The following RCOR1 variants were observed in gnomAD, a reference collection of about 807,000 sequenced individuals.
RCOR1 encodes the protein REST corepressor 1.
Under a neutral mutation model 64.0 loss-of-function variants are expected in RCOR1, and 12 were observed. The ratio of observed to expected loss-of-function variants is 0.19; its 90% CI spans 0.12 to 0.30. The LOEUF (loss-of-function observed/expected upper bound fraction) is 0.30. Among genes scored for constraint, RCOR1 ranks in the 10% least tolerant of loss-of-function variants. The pLI is 1.00. For synonymous variants in RCOR1, 279 were observed against 227.2 expected (o/e 1.23, Z -2.05); for missense variants, 502 against 621.2 (o/e 0.81, Z 2.04).
At chr14:102,705,390 G>C (rs1895830675) in intron 4 of RCOR1, among the ~76,000 whole-genome samples, 1 of 152,144 alleles carries the variant, frequency 6.6e-6, no homozygotes, top group Admixed American at 6.5e-5. Flanking sequence ...TTTCTTTCTA[G>C]ATCAGTGTAA....
chr14:102,612,976 A>T (rs1893663352), intron 2 of RCOR1, among the ~76,000 whole-genome samples: 1 of 151,816 alleles, frequency 6.6e-6, no homozygotes, highest in Non-Finnish European at 1.5e-5. Context: ...AAAAAAAAGA[A>T]AAAACAAATC....
Position 102,691,399 on chromosome 14 carries a change from C to T in RCOR1, c.445+9421C>T, listed in dbSNP as rs150274807. ...ATTTGTACCCCAGACCTCAGCATCA[C>T]GCAGTGTGTCTTTGTAACAAACCTG... On this transcript the variant is annotated intron_variant, in intron 3 of 11. Transcript: ENST00000262241. Among the ~76,000 whole-genome samples, 398 of 152,208 alleles carry T rather than the reference C, an allele frequency of 2.6e-3. 2 individuals carry two copies. Among genetic ancestry groups the T allele is most frequent in the African/African-American group, 9.2e-3 (383 of 41,528 alleles).
At chr14:102,713,880 G>T (rs1464209172) in intron 7 of RCOR1, among the ~76,000 whole-genome samples, 2 of 152,170 alleles carry the variant, frequency 1.3e-5, no homozygotes, top group Non-Finnish European at 2.9e-5. Flanking sequence ...ATGGTTACCA[G>T]TAAGTTATAT....
At chr14:102,682,757 A>T (rs1038163233) in intron 3 of RCOR1, among the ~76,000 whole-genome samples, 2 of 152,244 alleles carry the variant, frequency 1.3e-5, no homozygotes, top group Non-Finnish European at 1.5e-5. Flanking sequence ...ATGCCAGCAC[A>T]GTACTAAAAT....
chr14:102,592,824 T>C lies in RCOR1; in HGVS notation c.-63T>C, dbSNP rs1893154525. The C allele has an allele frequency of 8.6e-7, 1 of 1,165,630 alleles. No individual in the cohort carries two copies. Among genetic ancestry groups the C allele is most frequent in the Admixed American group, 4.7e-5 (1 of 21,208 alleles). The allele number at this position is 1,165,630 out of a possible 1,614,324, so 72.2% of individuals were successfully genotyped here. A position where few individuals can be genotyped will look rare whatever the true frequency, so the allele number is the denominator to read the frequency against. On this transcript the variant is annotated 5_prime_UTR_variant, in exon 1 of 12. Coordinates refer to ENST00000262241, the MANE Select transcript of RCOR1 (RefSeq NM_015156.4). ...CCGGCCCCGCGCCCCCTCCCCCGTC[T>C]CGGCGCCCCCTCCTCAGGAGCCGCG...
At chr14:102,608,742 T>C (rs561301348) in intron 2 of RCOR1, among the ~76,000 whole-genome samples, 10 of 151,366 alleles carry the variant, frequency 6.6e-5, no homozygotes, top group Non-Finnish European at 1.3e-4. Flanking sequence ...AATTTTTTTT[T>C]TGTGGAGAGA....
intron 3 of RCOR1, among the ~76,000 whole-genome samples, chr14:102,682,458 C>A (rs1404587768): frequency 6.6e-6 from 1 of 152,190 alleles, no homozygotes; most frequent in Non-Finnish European, 1.5e-5. Context: ...CATGTTCTTT[C>A]TTACAGAGCA....
Position 102,729,552 on chromosome 14 carries a change from C to T in RCOR1, c.*3046C>T, listed in dbSNP as rs1896330123. 1 of 271,162 alleles carries T rather than the reference C, an allele frequency of 3.7e-6. No individual in the cohort carries two copies. Among genetic ancestry groups the T allele is most frequent in the African/African-American group, 2.2e-5 (1 of 45,716 alleles). 16.8% of individuals were successfully genotyped at this position (271,162 alleles called of 1,614,324 possible). A position where few individuals can be genotyped will look rare whatever the true frequency, so the allele number is the denominator to read the frequency against. ...TATAAGACGTTCTGATGCTCACAAA[C>T]CTCTATTCAACACACAAAACAAACA... On this transcript the variant is annotated 3_prime_UTR_variant, in exon 12 of 12. Transcript: ENST00000262241.
At chr14:102,643,430 A>C (rs1177844219) in intron 2 of RCOR1, 1 of 478,050 alleles carries the variant, frequency 2.1e-6, no homozygotes, top group Non-Finnish European at 2.7e-6. Context: ...GATGTCACTA[A>C]TGTTTTAGAA....
chr14:102,597,431 C>T (rs1391336053), intron 2 of RCOR1, among the ~76,000 whole-genome samples: 5 of 150,882 alleles, frequency 3.3e-5, no homozygotes, highest in South Asian at 4.2e-4. Flanking sequence ...TGGGTTCAAG[C>T]GATCCTCCTG....
At chr14:102,651,077 T>C (rs777012573) in intron 2 of RCOR1, 163 of 984,702 alleles carry the variant, frequency 1.7e-4, no homozygotes, top group Non-Finnish European at 1.9e-4. Flanking sequence ...GCACAGTACA[T>C]TGTTGACTAG....
At chr14:102,612,497 T>C (rs772915462) in intron 2 of RCOR1, among the ~76,000 whole-genome samples, 19 of 149,742 alleles carry the variant, frequency 1.3e-4, no homozygotes, top group Admixed American at 4.0e-4. Flanking sequence ...CCACGCCCGG[T>C]CTGATTTTTG....
rs1197274996 is a variant in RCOR1 at position 102,730,369 on chromosome 14, C to T, written c.*3863C>T. On this transcript the variant is annotated 3_prime_UTR_variant, in exon 12 of 12. Coordinates refer to ENST00000262241, the MANE Select transcript of RCOR1 (RefSeq NM_015156.4). ...TGTTGTAAGTAATATTTTAATGTCT[C>T]TTTGCCTGTTTTCTATTTCAGCACA... 1 of 189,500 alleles carries T rather than the reference C, an allele frequency of 5.3e-6. No homozygotes were observed. Among genetic ancestry groups the T allele is most frequent in the Non-Finnish European group, 1.1e-5 (1 of 92,880 alleles). The allele number at this position is 189,500 out of a possible 1,614,324, so 11.7% of individuals were successfully genotyped here.
At chr14:102,693,759 CTTTG>C (rs1414166108) in intron 3 of RCOR1, among the ~76,000 whole-genome samples, 2 of 152,178 alleles carry the variant, frequency 1.3e-5, no homozygotes, top group Non-Finnish European at 2.9e-5. Context: ...GGGTCCCCTT[CTTTG>C]TTTGGAGCAA....
At chr14:102,594,771 C>T (rs968269915) in intron 2 of RCOR1, among the ~76,000 whole-genome samples, 6 of 151,976 alleles carry the variant, frequency 3.9e-5, no homozygotes, top group Non-Finnish European at 8.8e-5. Context: ...GGTTGGCCAC[C>T]AGGGGAAGCA....
chr14:102,595,860 T>C (rs1242804482), intron 2 of RCOR1, among the ~76,000 whole-genome samples: 1 of 152,178 alleles, frequency 6.6e-6, no homozygotes, highest in Non-Finnish European at 1.5e-5. Flanking sequence ...ATTACAGGCA[T>C]GTGCCACCGC....
chr14:102,593,078 C>G lies in RCOR1; in HGVS notation c.192C>G (p.Ala64=). 1.4e-6 allele frequency: 2 copies of G among 1,439,222 alleles called. No individual in the cohort carries two copies. Among genetic ancestry groups the G allele is most frequent in the Non-Finnish European group, 1.8e-6 (2 of 1,092,328 alleles). The allele number at this position is 1,439,222 out of a possible 1,614,324, so 89.2% of individuals were successfully genotyped here. ...CCGCCGCCGCCTCAGCCGCCGCCGC[C>G]CCCAATAATGGCCAGAATAAAAGTT... The part of the protein sequence containing the change: ...ASAAAASAAA[A]PNNGQNKSLA... The change falls in exon 1 of 12, where the codon GCC becomes GCG. Residue 64 remains alanine, a synonymous_variant. Coordinates refer to ENST00000262241, the MANE Select transcript of RCOR1 (RefSeq NM_015156.4).
rs1893162394 is a variant in RCOR1, at chr14:102,593,006, GCCA to G, written c.121_123del (p.Pro41del). The stretch of plus-strand genomic sequence containing the variant: ...CCGCCGCCTCGGCCGCCTGCGCCTC[GCCA>G]GCCGCCACTGCCGCCTCGGGCGCCG... On this transcript the variant is annotated inframe_deletion, in exon 1 of 12. Transcript: ENST00000262241. 1.7e-6 allele frequency: 2 copies of G among 1,195,626 alleles called. No homozygotes were observed. Among genetic ancestry groups the G allele is most frequent in the African/African-American group, 3.3e-5 (2 of 61,254 alleles). 74.1% of individuals were successfully genotyped at this position (1,195,626 alleles called of 1,614,324 possible). A position where few individuals can be genotyped will look rare whatever the true frequency, so the allele number is the denominator to read the frequency against.
intron 2 of RCOR1, among the ~76,000 whole-genome samples, chr14:102,648,887 T>C (rs1157747214): frequency 6.6e-6 from 1 of 152,100 alleles, no homozygotes; most frequent in Non-Finnish European, 1.5e-5. Context: ...CTTGGGATAA[T>C]AGCTGTGTAG....
Sources: gnomAD v4.1 joint callset for allele counts (sites outside exome capture counted in the v4.1 genomes callset) on GRCh38, gnomAD v4.1.1 for gene constraint, MANE v1.5 for transcripts, NCBI Gene and HGNC (gene_info 2026-07-23, HGNC 2026-07-21) for gene names.